RBBP8: variants seen among roughly 807,000 people sequenced by gnomAD.
The protein encoded by RBBP8 is DNA endonuclease RBBP8.
RBBP8 carries 88 observed loss-of-function variants against 108.3 expected under a neutral mutation model. The observed-to-expected ratio is 0.81, with a 90% CI of 0.68 to 0.97. The LOEUF (loss-of-function observed/expected upper bound fraction) is 0.97, where lower values mean the gene tolerates loss of function less well. Among genes scored for constraint, RBBP8 ranks in the 50% least tolerant of loss-of-function variants. The pLI, the probability that RBBP8 is intolerant of heterozygous loss-of-function variation, is 0.00. For synonymous variants in RBBP8, 332 were observed against 348.2 expected (o/e 0.95, Z 0.52); for missense variants, 1,023 against 1,049.0 (o/e 0.98, Z 0.34).
chr18:22,924,073 G>C (rs1330071874), intron 3 of RBBP8, among the ~76,000 whole-genome samples: 1 of 149,066 alleles, frequency 6.7e-6, no homozygotes, highest in Non-Finnish European at 1.5e-5. Context: ...AAATTTTAAA[G>C]TACTTTTAGT....
At chr18:22,982,600 T>C (rs985462302) in intron 7 of RBBP8, among the ~76,000 whole-genome samples, 1 of 152,238 alleles carries the variant, frequency 6.6e-6, no homozygotes, top group African/African-American at 2.4e-5. Context: ...CTATATGACA[T>C]GTAAATATAC....
chr18:22,996,529 C>G (rs773130324), intron 13 of RBBP8, 67 bp downstream of exon 13: 2 of 1,584,548 alleles, frequency 1.3e-6, no homozygotes, highest in Non-Finnish European at 1.7e-6. Flanking sequence ...TCAACCTCCT[C>G]TCGTGACTCA....
chr18:23,011,321 CCAA>C (rs1273524124), intron 16 of RBBP8, among the ~76,000 whole-genome samples: 4 of 152,094 alleles, frequency 2.6e-5, no homozygotes, highest in Non-Finnish European at 5.9e-5. Flanking sequence ...CGGCATTTTT[CCAA>C]CAACATGTGC....
intron 1 of RBBP8, 51 bp from the exon 2 acceptor site, chr18:22,936,703 G>A (rs1287208287): frequency 1.6e-5 from 13 of 824,834 alleles, no homozygotes; most frequent in Non-Finnish European, 5.9e-6. Flanking sequence ...TGATTTCAAA[G>A]TACATAAAGA....
chr18:22,965,900 G>C (rs1367775071), intron 4 of RBBP8, among the ~76,000 whole-genome samples: 1 of 152,190 alleles, frequency 6.6e-6, no homozygotes, highest in African/African-American at 2.4e-5. Flanking sequence ...GTAGCAAGTA[G>C]ACATGTGGCT....
chr18:22,944,893 G>C (rs184232402), intron 2 of RBBP8, among the ~76,000 whole-genome samples: 48 of 152,164 alleles, frequency 3.2e-4, no homozygotes, highest in Middle Eastern at 6.8e-3. Flanking sequence ...AAATGTATAG[G>C]TTTGTTTTTA....
chr18:22,988,152 C>G (rs1007137899), intron 8 of RBBP8, among the ~76,000 whole-genome samples: 4 of 152,234 alleles, frequency 2.6e-5, no homozygotes, highest in African/African-American at 9.6e-5. Context: ...CTCATCAAGA[C>G]AACATGTTCT....
chr18:22,960,257 A>G (rs1351727378), intron 4 of RBBP8, among the ~76,000 whole-genome samples: 1 of 152,202 alleles, frequency 6.6e-6, no homozygotes, highest in Non-Finnish European at 1.5e-5. Context: ...ACAGTTTACC[A>G]ACTTAAAGTG....
chr18:23,002,460 C>G (rs1489013661), intron 15 of RBBP8, among the ~76,000 whole-genome samples: 1 of 152,124 alleles, frequency 6.6e-6, no homozygotes, highest in Non-Finnish European at 1.5e-5. Flanking sequence ...GATCTGTTTT[C>G]TGCTGTGAAT....
intron 7 of RBBP8, among the ~76,000 whole-genome samples, chr18:22,984,554 A>G (rs542312295): frequency 1.3e-5 from 2 of 152,268 alleles, no homozygotes; most frequent in Admixed American, 6.5e-5. Context: ...CCAGCCCAGT[A>G]TACCTTTTTA....
intron 13 of RBBP8, among the ~76,000 whole-genome samples, chr18:22,997,224 A>G (rs1280577867): frequency 3.3e-5 from 5 of 152,246 alleles, no homozygotes; most frequent in African/African-American, 9.6e-5. Context: ...TATTAATAAC[A>G]AAGTATTTAA....
intron 3 of RBBP8, among the ~76,000 whole-genome samples, chr18:22,919,963 A>G (rs908942201): frequency 1.3e-5 from 2 of 152,196 alleles, no homozygotes; most frequent in African/African-American, 4.8e-5. Context: ...TTAAATGTTT[A>G]CAGTAGATAT....
chr18:22,924,290 G>A (rs1185078109), intron 3 of RBBP8, among the ~76,000 whole-genome samples: 1 of 151,794 alleles, frequency 6.6e-6, no homozygotes, highest in Non-Finnish European at 1.5e-5. Context: ...CACCACACCT[G>A]GCTAATTTTT....
intron 8 of RBBP8, 104 bp downstream of exon 8, chr18:22,985,094 A>T: frequency 6.7e-7 from 1 of 1,482,910 alleles, no homozygotes; most frequent in Non-Finnish European, 9.0e-7. Flanking sequence ...GGTATTTTCC[A>T]TATAATTTTG....
chr18:22,957,285 C>CTTTTTTTTTT (rs1912641266), intron 4 of RBBP8, among the ~76,000 whole-genome samples: 4 of 43,186 alleles, frequency 9.3e-5, no homozygotes, highest in Non-Finnish European at 9.3e-5. Flanking sequence ...GTTGTAATTA[C>CTTTTTTTTTT]TTTTTCTTTT....
At chr18:22,926,245 A>C (rs1012518421) in intron 3 of RBBP8, among the ~76,000 whole-genome samples, 1 of 152,196 alleles carries the variant, frequency 6.6e-6, no homozygotes, top group South Asian at 2.1e-4. Flanking sequence ...CAAAATGGTG[A>C]AACCCTGTCT....
At chr18:22,961,642 C>T (rs939062958) in intron 4 of RBBP8, among the ~76,000 whole-genome samples, 1 of 152,188 alleles carries the variant, frequency 6.6e-6, no homozygotes, top group African/African-American at 2.4e-5. Context: ...TGTAAACTTT[C>T]TTAAAACATT....
intron 3 of RBBP8, among the ~76,000 whole-genome samples, chr18:22,921,860 T>A (rs1232160410): frequency 1.3e-5 from 2 of 152,242 alleles, no homozygotes; most frequent in South Asian, 4.1e-4. Flanking sequence ...CTGTAAATAC[T>A]TTTATGTCCA....
intron 15 of RBBP8, chr18:23,004,555 G>C (rs990092058): frequency 2.0e-5 from 3 of 152,184 alleles, no homozygotes; most frequent in Non-Finnish European, 2.9e-5. Flanking sequence ...TAAAAATATA[G>C]CTAGCCAAGC....
Sources: gnomAD v4.1 joint callset for allele counts (sites outside exome capture counted in the v4.1 genomes callset) on GRCh38, gnomAD v4.1.1 for gene constraint, MANE v1.5 for transcripts, NCBI Gene and HGNC (gene_info 2026-07-23, HGNC 2026-07-21) for gene names.